Variants in GRHL2 observed in about 807,000 individuals in gnomAD.
The protein encoded by GRHL2 is grainyhead-like protein 2 homolog.
In GRHL2, 21 loss-of-function variants were observed where a neutral mutation model predicts 83.8. The ratio of observed to expected loss-of-function variants is 0.25; its 90% CI spans 0.18 to 0.36. The LOEUF is 0.36. GRHL2 is among the 10% of genes least tolerant of loss of function. The probability of loss-of-function intolerance (pLI) is 1.00; values close to 1 mark genes in which losing one functional copy is unlikely to be tolerated. For synonymous variants in GRHL2, 280 were observed against 278.9 expected, an observed-to-expected ratio of 1.00 and a Z score of -0.04; for missense variants, 623 against 781.8, an observed-to-expected ratio of 0.80 and a Z score of 2.42.
At chr8:101,601,437 T>G (rs1229801492) in intron 8 of GRHL2, among the ~76,000 whole-genome samples, 1 of 152,192 alleles carries the variant, frequency 6.6e-6, no homozygotes, top group Non-Finnish European at 1.5e-5. Flanking sequence ...AGATAGTTAA[T>G]GTGGAGTTGA....
intron 1 of GRHL2, among the ~76,000 whole-genome samples, chr8:101,523,600 C>A (rs906401841): frequency 2.0e-5 from 3 of 151,938 alleles, no homozygotes; most frequent in African/African-American, 7.3e-5. Flanking sequence ...CTCAGCCTCC[C>A]AAGTAGCTGG....
At chr8:101,611,355 C>T (rs1196708910) in intron 8 of GRHL2, among the ~76,000 whole-genome samples, 1 of 150,850 alleles carries the variant, frequency 6.6e-6, no homozygotes, top group Non-Finnish European at 1.5e-5. Context: ...GTGAGTTGAT[C>T]TCCTTTATCC....
chr8:101,511,291 G>C (rs1026976440), intron 1 of GRHL2, among the ~76,000 whole-genome samples: 1 of 152,072 alleles, frequency 6.6e-6, no homozygotes, highest in African/African-American at 2.4e-5. Context: ...TGGGGCAAAG[G>C]CTAAGCATAT....
At chr8:101,661,715 T>C (rs542510919) in intron 14 of GRHL2, among the ~76,000 whole-genome samples, 12 of 152,352 alleles carry the variant, frequency 7.9e-5, no homozygotes, top group African/African-American at 2.6e-4. Flanking sequence ...AATGAGATAT[T>C]TGGGTGAAAT....
At chr8:101,512,320 A>G (rs985908861) in intron 1 of GRHL2, among the ~76,000 whole-genome samples, 6 of 152,174 alleles carry the variant, frequency 3.9e-5, no homozygotes, top group Non-Finnish European at 7.3e-5. Flanking sequence ...GTTTTGCTCT[A>G]TTTATTTAAA....
At chr8:101,577,664 T>C in intron 7 of GRHL2, 145 bp downstream of exon 7, 1 of 700,804 alleles carries the variant, frequency 1.4e-6, no homozygotes, top group East Asian at 2.7e-5. Context: ...GGACATTTAG[T>C]GCAGATCAGA....
intron 14 of GRHL2, among the ~76,000 whole-genome samples, chr8:101,661,833 T>C (rs865946259): frequency 1.3e-5 from 2 of 152,190 alleles, no homozygotes; most frequent in African/African-American, 4.8e-5. Flanking sequence ...TCCACTGTCA[T>C]TTGGTTTCTA....
chr8:101,559,729 G>A (rs1400150616), intron 4 of GRHL2, among the ~76,000 whole-genome samples: 1 of 152,132 alleles, frequency 6.6e-6, no homozygotes, highest in Admixed American at 6.5e-5. Context: ...AGTTCTAAGT[G>A]CACAGTTGAG....
chr8:101,654,149 A>G (rs932097004), intron 14 of GRHL2, among the ~76,000 whole-genome samples: 1 of 152,252 alleles, frequency 6.6e-6, no homozygotes, highest in African/African-American at 2.4e-5. Flanking sequence ...CTGTTGAGAA[A>G]GGAACTCATA....
chr8:101,590,447 C>T (rs1444365415), intron 7 of GRHL2, among the ~76,000 whole-genome samples: 2 of 152,228 alleles, frequency 1.3e-5, no homozygotes, highest in Admixed American at 6.5e-5. Flanking sequence ...GCACTGCAGA[C>T]AGGGAGAAGT....
At chr8:101,603,207 T>A (rs1347811165) in intron 8 of GRHL2, among the ~76,000 whole-genome samples, 3 of 152,240 alleles carry the variant, frequency 2.0e-5, no homozygotes, top group African/African-American at 7.2e-5. Flanking sequence ...GCTGGCCATA[T>A]CAGAGGAGAC....
At chr8:101,584,255 G>T (rs1812119008) in intron 7 of GRHL2, among the ~76,000 whole-genome samples, 1 of 152,198 alleles carries the variant, frequency 6.6e-6, no homozygotes, top group African/African-American at 2.4e-5. Flanking sequence ...ATTAGCATAT[G>T]ATTATAGGAT....
chr8:101,564,939 G>A (rs1811686192), intron 4 of GRHL2, among the ~76,000 whole-genome samples: 1 of 152,002 alleles, frequency 6.6e-6, no homozygotes, highest in East Asian at 1.9e-4. Flanking sequence ...ATTAGGCACT[G>A]TGGTGATGTG....
intron 4 of GRHL2, among the ~76,000 whole-genome samples, chr8:101,568,889 T>C (rs1381998826): frequency 6.6e-6 from 1 of 152,126 alleles, no homozygotes; most frequent in Non-Finnish European, 1.5e-5. Flanking sequence ...AGAAGTAAGA[T>C]TGGATAAAAA....
intron 9 of GRHL2, among the ~76,000 whole-genome samples, chr8:101,629,435 C>T (rs954282929): frequency 1.1e-4 from 16 of 151,886 alleles, no homozygotes; most frequent in African/African-American, 3.6e-4. Flanking sequence ...AAAAAAAGTG[C>T]GGCTCTTTTT....
At chr8:101,591,243 G>A (rs1029374546) in intron 7 of GRHL2, among the ~76,000 whole-genome samples, 1 of 152,174 alleles carries the variant, frequency 6.6e-6, no homozygotes, top group African/African-American at 2.4e-5. Flanking sequence ...ACAAAGCATT[G>A]CACTTTCACA....
intron 1 of GRHL2, among the ~76,000 whole-genome samples, chr8:101,527,962 T>A (rs1029488504): frequency 3.3e-5 from 5 of 152,206 alleles, no homozygotes; most frequent in Admixed American, 1.3e-4. Context: ...GTAGCATTTT[T>A]AAATTTAATC....
intron 1 of GRHL2, among the ~76,000 whole-genome samples, chr8:101,531,513 T>G (rs1674029536): frequency 6.6e-6 from 1 of 151,990 alleles, no homozygotes; most frequent in Non-Finnish European, 1.5e-5. Context: ...AAGGAGAAAA[T>G]AAAAATTCAC....
intron 3 of GRHL2, 143 bp downstream of exon 3, chr8:101,552,925 A>G (rs1349574109): frequency 6.2e-6 from 5 of 810,906 alleles, no homozygotes; most frequent in Non-Finnish European, 2.0e-6. Context: ...GACCAATGCT[A>G]GATCTCTCAA....
Sources: allele counts gnomAD v4.1 joint callset (sites outside exome capture counted in the v4.1 genomes callset), GRCh38; gene constraint gnomAD v4.1.1; transcripts MANE v1.5; gene names NCBI Gene and HGNC (gene_info 2026-07-23, HGNC 2026-07-21).